The following TRNT1 variants were observed in gnomAD, a reference collection of about 807,000 sequenced individuals.
The protein encoded by TRNT1 is tRNA nucleotidyl transferase 1.
A neutral mutation model predicts 45.6 loss-of-function variants in TRNT1; 44 were observed. The ratio of observed to expected loss-of-function variants is 0.97; its 90% CI spans 0.76 to 1.24. The LOEUF is 1.24. TRNT1 is among the 50% of genes most tolerant of loss of function. TRNT1 has a pLI of 0.00. For synonymous variants in TRNT1, 201 were observed against 171.4 expected (o/e 1.17, Z -1.35); for missense variants, 633 against 504.4 (o/e 1.25, Z -2.44).
intron 2 of TRNT1, chr3:3,129,875 T>C: frequency 6.4e-7 from 1 of 1,550,608 alleles, no homozygotes; most frequent in Non-Finnish European, 8.7e-7. Context: ...GCAGATTGAT[T>C]TCAGAGCCCA....
Position 3,143,380 on chromosome 3 carries a change from T to C in TRNT1, c.482-1204T>C, listed in dbSNP as rs184225784. Among the ~76,000 whole-genome samples, 495 of 152,318 alleles carry C rather than the reference T, an allele frequency of 3.2e-3. 2 individuals carry two copies. The highest frequency in any genetic ancestry group is 3.9e-3 in the Admixed American group (59 of 15,298). The stretch of plus-strand genomic sequence containing the variant: ...AATTAGTTTTATGTCACTTTTTTCA[T>C]TCAACATATGAGAACATTTGTTTAT... On this transcript the variant is annotated intron_variant, in intron 4 of 7. Transcript: ENST00000251607.
At chr3:3,131,694 A>G (rs1575040487) in intron 2 of TRNT1, 3 of 102,282 alleles carry the variant, frequency 2.9e-5, no homozygotes, top group African/African-American at 9.4e-5. Flanking sequence ...ATCTAATTAA[A>G]CTAAAGAGCT....
downstream of TRNT1, chr3:3,149,585 A>T (rs1706335309): frequency 6.7e-6 from 1 of 149,210 alleles, no homozygotes; most frequent in African/African-American, 2.6e-5. Context: ...GGAGTAAGTA[A>T]GTTTTAGTGC....
At chr3:3,142,765 A>T (rs1373251521) in intron 4 of TRNT1, among the ~76,000 whole-genome samples, 1 of 152,166 alleles carries the variant, frequency 6.6e-6, no homozygotes, top group Non-Finnish European at 1.5e-5. Flanking sequence ...GGACGGTTAC[A>T]AGTCTCTTCA....
At chr3:3,153,322 G>A (rs1377006464), downstream of TRNT1, 1 of 728,690 alleles carries the variant, frequency 1.4e-6, no homozygotes, top group African/African-American at 1.8e-5. Flanking sequence ...CTAAATGTTT[G>A]TAACTTTAAG....
intron 2 of TRNT1, among the ~76,000 whole-genome samples, chr3:3,133,125 A>T (rs977763119): frequency 4.6e-5 from 7 of 152,144 alleles, no homozygotes; most frequent in African/African-American, 1.4e-4. Context: ...CCATGTGTAA[A>T]ATTAGTTTTC....
chr3:3,147,314 G>T, intron 6 of TRNT1, 136 bp from the exon 7 acceptor site: 1 of 952,688 alleles, frequency 1.0e-6, no homozygotes, highest in Non-Finnish European at 1.6e-6. Context: ...CCTTTAAGTT[G>T]GAACATCAGA....
intron 2 of TRNT1, among the ~76,000 whole-genome samples, chr3:3,134,961 A>G (rs1053821504): frequency 6.6e-6 from 1 of 152,124 alleles, no homozygotes; most frequent in African/African-American, 2.4e-5. Flanking sequence ...GAGCTAGATC[A>G]TTGTTTTCCA....
At position 3,146,638 on chromosome 3, in the gene TRNT1, TAA is replaced by T. The variant is rs746092905; in HGVS notation, c.802+17_802+18del. The T allele has an allele frequency of 2.0e-6, 3 of 1,532,172 alleles. No individual in the cohort carries two copies. Among genetic ancestry groups the T allele is most frequent in the Non-Finnish European group, 1.8e-6 (2 of 1,139,546 alleles). 94.9% of individuals were successfully genotyped at this position (1,532,172 alleles called of 1,614,324 possible). ...TCCTTATATAGGTGAGAGCAAGTTATAAAGTGTTTGAATTTTTGGCAGTGAAA... is the reference window on the plus strand; with the variant it reads ...TCCTTATATAGGTGAGAGCAAGTTATAGTGTTTGAATTTTTGGCAGTGAAA... On this transcript the variant is annotated intron_variant, in intron 6 of 7. Coordinates refer to ENST00000251607, the MANE Select transcript of TRNT1 (RefSeq NM_182916.3).
At chr3:3,149,069 C>CATA (rs1234140325), downstream of TRNT1, 3 of 151,130 alleles carry the variant, frequency 2.0e-5, no homozygotes, top group African/African-American at 7.4e-5. Flanking sequence ...ACTGACATTT[C>CATA]ATAATTTATT....
chr3:3,152,448 A>G, downstream of TRNT1: 1 of 1,613,050 alleles, frequency 6.2e-7, no homozygotes, highest in Non-Finnish European at 8.5e-7. Flanking sequence ...CCACCACCAT[A>G]ATATTACCCA....
chr3:3,136,136 A>G (rs995378946), intron 2 of TRNT1, among the ~76,000 whole-genome samples: 2 of 152,160 alleles, frequency 1.3e-5, no homozygotes, highest in Admixed American at 1.3e-4. Context: ...TGTATCATGG[A>G]CAGTGTTCAT....
intron 4 of TRNT1, among the ~76,000 whole-genome samples, chr3:3,144,115 C>G (rs191729495): frequency 3.3e-5 from 5 of 152,094 alleles, no homozygotes; most frequent in African/African-American, 1.2e-4. Flanking sequence ...ATTATTTCTT[C>G]GAAAATCCTG....
chr3:3,129,697 G>A (rs929846109), intron 2 of TRNT1, among the ~76,000 whole-genome samples: 1 of 152,236 alleles, frequency 6.6e-6, no homozygotes, highest in Non-Finnish European at 1.5e-5. Flanking sequence ...TGGCTTTTCT[G>A]TATGCTGTGC....
At chr3:3,134,176 G>A (rs910304802) in intron 2 of TRNT1, among the ~76,000 whole-genome samples, 4 of 152,096 alleles carry the variant, frequency 2.6e-5, no homozygotes, top group Admixed American at 6.5e-5. Flanking sequence ...AATGTAGCTC[G>A]CAAAGTCTTT....
intron 3 of TRNT1, among the ~76,000 whole-genome samples, chr3:3,138,058 G>A (rs1222836234): frequency 1.3e-5 from 2 of 152,108 alleles, no homozygotes; most frequent in African/African-American, 4.8e-5. Context: ...AGTTTCAATT[G>A]GGTTTTTGGG....
chr3:3,152,159 T>TTC (rs1553559021), downstream of TRNT1, among the ~76,000 whole-genome samples: 4 of 150,710 alleles, frequency 2.7e-5, no homozygotes, highest in African/African-American at 9.7e-5. Flanking sequence ...AATTTTTTTT[T>TTC]TTTTTTAAAT....
chr3:3,144,792 G>C, intron 5 of TRNT1, 82 bp downstream of exon 5: 1 of 1,331,266 alleles, frequency 7.5e-7, no homozygotes, highest in Non-Finnish European at 9.9e-7. Context: ...CCCACAGCAG[G>C]TCAGTGTACA....
chr3:3,152,150 A>ATTTTT (rs66844241), downstream of TRNT1, among the ~76,000 whole-genome samples: 10 of 147,092 alleles, frequency 6.8e-5, 1 homozygote, highest in Admixed American at 1.3e-4. Flanking sequence ...ATTTAAATAA[A>ATTTTT]TTTTTTTTTT....
Sources: allele counts gnomAD v4.1 joint callset (sites outside exome capture counted in the v4.1 genomes callset), GRCh38; gene constraint gnomAD v4.1.1; transcripts MANE v1.5; gene names NCBI Gene and HGNC (gene_info 2026-07-23, HGNC 2026-07-21).